WDR44: variants seen among roughly 807,000 people sequenced by gnomAD.
WDR44 encodes WD repeat-containing protein 44.
In WDR44, 9 loss-of-function variants were observed where a neutral mutation model predicts 65.7. The ratio of observed to expected loss-of-function variants is 0.14; its 90% CI spans 0.08 to 0.24. WDR44 has a LOEUF of 0.24. Among genes scored for constraint, WDR44 ranks in the 10% least tolerant of loss-of-function variants. The probability of loss-of-function intolerance (pLI) is 1.00; values close to 1 mark genes in which losing one functional copy is unlikely to be tolerated. For synonymous variants in WDR44, 220 were observed against 235.2 expected (o/e 0.94, Z 0.59); for missense variants, 425 against 670.9 (o/e 0.63, Z 4.05).
At chrX:118,391,921 G>A (rs2056824074) in intron 3 of WDR44, among the ~76,000 whole-genome samples, 1 of 111,982 alleles carries the variant, frequency 8.9e-6, no homozygotes, top group Non-Finnish European at 1.9e-5. Context: ...AGAGGTTGCA[G>A]TGAGCCAAGA....
intron 13 of WDR44, among the ~76,000 whole-genome samples, chrX:118,433,984 C>A (rs146067469): frequency 0.014 from 1,509 of 111,589 alleles, 34 homozygotes; most frequent in African/African-American, 0.045. Context: ...TGCTTAAAGG[C>A]GTATAGCTAG....
intron 8 of WDR44, among the ~76,000 whole-genome samples, chrX:118,402,716 C>G (rs769277432): frequency 8.9e-6 from 1 of 111,777 alleles, no homozygotes; most frequent in South Asian, 3.7e-4. Flanking sequence ...CCACTGCACT[C>G]CAGTCTGGGC....
intron 5 of WDR44, 35 bp downstream of exon 5, chrX:118,394,220 T>C (rs140745470): frequency 8.3e-7 from 1 of 1,198,810 alleles, no homozygotes; most frequent in African/African-American, 1.8e-5. Context: ...ATATAGACTT[T>C]ATCAGCTCCC....
At chrX:118,436,943 A>C in intron 14 of WDR44, 119 bp downstream of exon 14, 3 of 686,778 alleles carry the variant, frequency 4.4e-6, no homozygotes, top group Non-Finnish European at 6.0e-6. Context: ...AGTTATGAGC[A>C]ATTTAATTTT....
intron 12 of WDR44, among the ~76,000 whole-genome samples, chrX:118,417,015 C>T (rs1428185952): frequency 2.7e-5 from 3 of 111,739 alleles, no homozygotes; most frequent in Admixed American, 1.9e-4. Context: ...TACCCCTGTT[C>T]GCTTTTGGTG....
intron 1 of WDR44, among the ~76,000 whole-genome samples, chrX:118,369,934 T>C (rs912625445): frequency 1.8e-5 from 2 of 112,292 alleles, no homozygotes; most frequent in African/African-American, 6.5e-5. Context: ...GGTTTTTTAG[T>C]AGAATATCAG....
At chrX:118,368,200 G>A (rs1020958496) in intron 1 of WDR44, among the ~76,000 whole-genome samples, 97 of 109,728 alleles carry the variant, frequency 8.8e-4, no homozygotes, top group Non-Finnish European at 7.4e-4. Flanking sequence ...TTATGTCAGA[G>A]TTTATAAAGG....
At chrX:118,409,655 A>G (rs772519959) in intron 11 of WDR44, 28 bp downstream of exon 11, 1 of 1,148,574 alleles carries the variant, frequency 8.7e-7, no homozygotes, top group Non-Finnish European at 1.2e-6. Context: ...AAAAATCTAC[A>G]GAAACCTGAA....
intron 12 of WDR44, among the ~76,000 whole-genome samples, chrX:118,424,295 A>G (rs201488324): frequency 3.9e-4 from 25 of 64,013 alleles, no homozygotes; most frequent in East Asian, 4.8e-4. Context: ...GTGTGTGTGT[A>G]TGTGTATATA....
At chrX:118,376,977 T>C (rs2056665885) in intron 1 of WDR44, among the ~76,000 whole-genome samples, 1 of 109,655 alleles carries the variant, frequency 9.1e-6, no homozygotes, top group Non-Finnish European at 1.9e-5. Flanking sequence ...CACTCAAGCC[T>C]GAGTAACGGA....
intron 1 of WDR44, among the ~76,000 whole-genome samples, chrX:118,374,534 T>C (rs1206681975): frequency 1.8e-5 from 2 of 111,941 alleles, no homozygotes; most frequent in Admixed American, 9.5e-5. Context: ...ACCTCAAACA[T>C]GAGTGTCTTT....
intron 19 of WDR44, among the ~76,000 whole-genome samples, chrX:118,445,961 T>G (rs1602984820): frequency 1.1e-5 from 1 of 90,769 alleles, no homozygotes; most frequent in Admixed American, 1.3e-4. Flanking sequence ...ACCAGGGAGG[T>G]GGAGGTTGCA....
intron 1 of WDR44, among the ~76,000 whole-genome samples, chrX:118,351,581 G>A (rs1037789874): frequency 5.4e-5 from 6 of 111,548 alleles, no homozygotes; most frequent in African/African-American, 1.3e-4. Flanking sequence ...CTGTTTTATC[G>A]CACTCATGTA....
intron 5 of WDR44, among the ~76,000 whole-genome samples, chrX:118,394,565 CT>C (rs149485055): frequency 2.5e-4 from 26 of 104,506 alleles, no homozygotes; most frequent in East Asian, 2.4e-3. Flanking sequence ...GAATTGAAGA[CT>C]TTTTTTTTTT....
chrX:118,363,160 C>CAG (rs1377028576), intron 1 of WDR44, among the ~76,000 whole-genome samples: 1 of 108,507 alleles, frequency 9.2e-6, no homozygotes, highest in African/African-American at 3.4e-5. Flanking sequence ...CTTTGGGAGG[C>CAG]AGAGAGGCAG....
chrX:118,424,339 A>ATATATATATGTATATATATG (rs1556124705), intron 12 of WDR44, among the ~76,000 whole-genome samples: 4 of 85,309 alleles, frequency 4.7e-5, no homozygotes, highest in African/African-American at 2.4e-4. Flanking sequence ...ATATATATAT[A>ATATATATATGTATATATATG]TATATATATG....
intron 1 of WDR44, among the ~76,000 whole-genome samples, chrX:118,349,460 C>G (rs745790099): frequency 9.1e-6 from 1 of 110,407 alleles, no homozygotes; most frequent in Non-Finnish European, 1.9e-5. Flanking sequence ...GTGATCCTCC[C>G]ACCTCAGTCT....
intron 15 of WDR44, among the ~76,000 whole-genome samples, chrX:118,441,962 G>A (rs1169636972): frequency 4.5e-5 from 5 of 111,359 alleles, no homozygotes; most frequent in Non-Finnish European, 1.9e-5. Context: ...GGCTGGTCTC[G>A]AACTCCTGAC....
At position 118,346,477 on chromosome X, in the gene WDR44, C is replaced by T; in HGVS notation, c.-27C>T. 1 of 1,200,822 alleles carries T rather than the reference C, an allele frequency of 8.3e-7. No individual in the cohort carries two copies. Among genetic ancestry groups the T allele is most frequent in the South Asian group, 1.8e-5 (1 of 56,660 alleles). On this transcript the variant is annotated 5_prime_UTR_variant, in exon 1 of 20. Coordinates refer to ENST00000254029, the MANE Select transcript of WDR44 (RefSeq NM_019045.5). The stretch of plus-strand genomic sequence containing the variant: ...CACCCTTCCTCCAGGCGGCGCCGGC[C>T]CCCTCACCCGCGGGTGTGTCCTATA...
Sources: allele counts gnomAD v4.1 joint callset (sites outside exome capture counted in the v4.1 genomes callset), GRCh38; gene constraint gnomAD v4.1.1; transcripts MANE v1.5; gene names NCBI Gene and HGNC (gene_info 2026-07-23, HGNC 2026-07-21).